Variants in C14orf93 observed in about 807,000 individuals in gnomAD.
The protein encoded by C14orf93 is uncharacterized protein C14orf93.
C14orf93 carries 23 observed loss-of-function variants against 44.0 expected under a neutral mutation model. That is an observed-to-expected ratio of 0.52 (90% CI 0.38 to 0.74). C14orf93 has a LOEUF of 0.74. Among genes scored for constraint, C14orf93 ranks in the 30% least tolerant of loss-of-function variants. The probability of loss-of-function intolerance (pLI) is 0.00; values close to 1 mark genes in which losing one functional copy is unlikely to be tolerated. For missense variants in C14orf93, 579 were observed against 678.9 expected (o/e 0.85, Z 1.64); for synonymous variants, 253 against 265.7 (o/e 0.95, Z 0.46).
At position 23,009,482 on chromosome 14, in the gene C14orf93, AAC is replaced by A. The variant is rs71425061; in HGVS notation, c.-380+617_-380+618del. Among the ~76,000 whole-genome samples the A allele has an allele frequency of 3.3e-4, 50 of 151,286 alleles. No homozygotes were observed. The South Asian group carries it at 4.2e-3, about 13-fold the overall frequency. On this transcript the variant is annotated intron_variant, in intron 1 of 6. Transcript: ENST00000299088. ...ATAACTTTACAAATTTGTTTCAAGAAACACACACACACACACACAAATGTTCT... is the reference window on the plus strand; with the variant it reads ...ATAACTTTACAAATTTGTTTCAAGAAACACACACACACACACAAATGTTCT...
In C14orf93 at chr14:22,987,610, T is replaced by C. The variant is rs1165158055; in HGVS notation, c.1222A>G (p.Met408Val). The change falls in exon 7 of 7, where the codon ATG (methionine) becomes GTG (valine). Residue 408 changes from methionine to valine, a missense_variant. Coordinates refer to ENST00000299088, the MANE Select transcript of C14orf93 (RefSeq NM_021944.4). This position sits in a 1 kb window ranked among gnomAD's most constrained non-coding sequence, Gnocchi z 5.6. ...YRLFANRSSI[M>V]RHFGPEDQRL... The stretch of plus-strand genomic sequence containing the variant: ...TGGTCCTCAGGTCCAAAATGCCTCA[T>C]GATACTGGATCGGTTGGCAAAAAGC... 6.2e-7 allele frequency: 1 copy of C among 1,600,960 alleles called. No individual in the cohort carries two copies. Among genetic ancestry groups the C allele is most frequent in the Non-Finnish European group, 8.5e-7 (1 of 1,172,858 alleles).
chr14:22,996,064 A>C lies in C14orf93; in HGVS notation c.802T>G (p.Ser268Ala), dbSNP rs1159365337. 1 of 1,613,850 alleles carries C rather than the reference A, an allele frequency of 6.2e-7. No homozygotes were observed. Among genetic ancestry groups the C allele is most frequent in the Non-Finnish European group, 8.5e-7 (1 of 1,179,976 alleles). The change falls in exon 3 of 7, where the codon TCA (serine) becomes GCA (alanine). Residue 268 changes from serine (S) to alanine (A), a missense_variant. By Grantham distance (99) the Ser-to-Ala change is moderately conservative (BLOSUM62 1). Transcript: ENST00000299088. This position sits in a 1 kb window ranked among gnomAD's most constrained non-coding sequence, Gnocchi z 4.1. ...AAALDSALEE[S>A]GPGSTGELRH... is the part of the protein sequence containing the mutation. ...AGCTCCCCAGTGCTCCCAGGGCCTG[A>C]CTCTTCCAAGGCACTGTCCAGCGCA... is the stretch of plus-strand genomic sequence containing the variant.
chr14:23,008,881 AAC>A (rs1204956836), intron 1 of C14orf93, among the ~76,000 whole-genome samples: 23 of 152,238 alleles, frequency 1.5e-4, no homozygotes, highest in Admixed American at 1.5e-3. Context: ...CATCACCATG[AAC>A]AGTTTTTGAG....
Position 22,998,707 on chromosome 14 carries a change from G to A in C14orf93, c.317C>T (p.Ser106Phe). 1.2e-6 allele frequency: 2 copies of A among 1,614,234 alleles called. No homozygotes were observed. The highest frequency in any genetic ancestry group is 1.7e-6 in the Non-Finnish European group (2 of 1,180,036). Residue 106 changes from serine (S) to phenylalanine (F), a missense_variant, in exon 2 of 7, where the codon TCC (serine) becomes TTC (phenylalanine). Ser to Phe is a radical substitution (Grantham distance 155, BLOSUM62 -2). Transcript: ENST00000299088. Reference protein sequence around the residue: ...EVGDLRQGKVSIPDEDGESRA... With the variant: ...EVGDLRQGKVFIPDEDGESRA... ...GCTTTCCCCATCTTCATCAGGGATG[G>A]ACACTTTCCCTTGCCTCAGGTCACC...
chr14:22,987,663 G>C lies in C14orf93; in HGVS notation c.1198-29C>G, dbSNP rs1202984077. The C allele has an allele frequency of 6.5e-7, 1 of 1,544,036 alleles. No individual in the cohort carries two copies. The highest frequency in any genetic ancestry group is 2.0e-5 in the Admixed American group (1 of 50,290). ...AGGCAGGAACCCAGGAGATAGATTA[G>C]GAAGGTAAACATTCTATGGATTAGA... On this transcript the variant is annotated intron_variant, in intron 6 of 6. Transcript: ENST00000299088. The surrounding 1 kb of genome is among the most constrained non-coding windows in gnomAD (Gnocchi z 5.6).
In C14orf93 at chr14:22,998,278, C is replaced by A. The variant is rs1358376593; in HGVS notation, c.597+149G>T. The A allele has an allele frequency of 6.1e-6, 7 of 1,156,060 alleles. No individual in the cohort carries two copies. In the East Asian group the frequency reaches 1.9e-4, roughly 32 times the overall value. 71.6% of individuals were successfully genotyped at this position (1,156,060 alleles called of 1,614,324 possible). On this transcript the variant is annotated intron_variant, in intron 2 of 6. Coordinates refer to ENST00000299088, the MANE Select transcript of C14orf93 (RefSeq NM_021944.4). ...TCAGGAAGAAAATAGAGCTGACTAT[C>A]CCTGAAGGAAAAGGAAACGTGGTAC...
At chr14:23,005,796 C>T (rs1401367749) in intron 1 of C14orf93, 5 of 152,096 alleles carry the variant, frequency 3.3e-5, no homozygotes, top group Non-Finnish European at 5.9e-5. Context: ...AAAAGAAAGA[C>T]AATTCATCTC....
intron 1 of C14orf93, chr14:23,005,338 TGA>T (rs553169586): frequency 1.1e-4 from 17 of 152,064 alleles, no homozygotes; most frequent in African/African-American, 3.4e-4. Flanking sequence ...ATGAGGCAGT[TGA>T]GAGGAAATAC....
rs185008863 is a variant in C14orf93, at chr14:23,007,991, A to G, written c.-380+2110T>C. On this transcript the variant is annotated intron_variant, in intron 1 of 6. Coordinates refer to ENST00000299088, the MANE Select transcript of C14orf93 (RefSeq NM_021944.4). The stretch of plus-strand genomic sequence containing the variant: ...AACATGGTGAAACCCCGTCTCTACT[A>G]AAAATACAAAAATCAGCCCGGCATG... 3.3e-5 allele frequency among the ~76,000 whole-genome samples: 5 copies of G among 152,172 alleles called. No homozygotes were observed. In the East Asian group the frequency reaches 9.7e-4, roughly 29 times the overall value.
At position 22,999,310 on chromosome 14, in the gene C14orf93, C is replaced by G. The variant is rs114069049; in HGVS notation, c.-287G>C. The G allele has an allele frequency of 1.4e-3, 412 of 292,702 alleles. 1 individual carries two copies. The highest frequency in any genetic ancestry group is 8.4e-3 in the African/African-American group (391 of 46,326). 18.1% of individuals were successfully genotyped at this position (292,702 alleles called of 1,614,324 possible). Reference sequence around the variant, plus strand: ...GGCCTTCCTGATGAACGGTTTCAGACGGTAGAGAGCATTCCTTCTGCCCCC... The same window carrying G: ...GGCCTTCCTGATGAACGGTTTCAGAGGGTAGAGAGCATTCCTTCTGCCCCC... On this transcript the variant is annotated 5_prime_UTR_variant, in exon 2 of 7. Coordinates refer to ENST00000299088, the MANE Select transcript of C14orf93 (RefSeq NM_021944.4).
At position 22,987,639 on chromosome 14, in the gene C14orf93, G is replaced by T; in HGVS notation, c.1198-5C>A. ...ACTGGATCGGTTGGCAAAAAGCTAA[G>T]GCAGGAACCCAGGAGATAGATTAGG... On this transcript the variant is annotated splice_region_variant and splice_polypyrimidine_tract_variant and intron_variant, in intron 6 of 6. Transcript: ENST00000299088. The surrounding 1 kb of genome is among the most constrained non-coding windows in gnomAD (Gnocchi z 5.6). 1 of 1,575,676 alleles carries T rather than the reference G, an allele frequency of 6.3e-7. No homozygotes were observed. Among genetic ancestry groups the T allele is most frequent in the South Asian group, 1.2e-5 (1 of 85,142 alleles).
At chr14:22,988,205 C>T (rs1212960359) in intron 5 of C14orf93, among the ~76,000 whole-genome samples, 190 bp from the exon 6 acceptor site, 2 of 151,314 alleles carry the variant, frequency 1.3e-5, no homozygotes, top group Non-Finnish European at 2.9e-5. Flanking sequence ...ACAATCTCGG[C>T]TTACCACAAC....
chr14:23,009,949 A>G (rs945992470), intron 1 of C14orf93, 152 bp downstream of exon 1: 6 of 152,240 alleles, frequency 3.9e-5, no homozygotes, highest in African/African-American at 1.2e-4. Flanking sequence ...CAGGAAAAAG[A>G]AAGAGGAAGA....
chr14:23,004,690 G>A (rs1258551409), intron 1 of C14orf93, among the ~76,000 whole-genome samples: 5 of 151,934 alleles, frequency 3.3e-5, no homozygotes, highest in African/African-American at 2.4e-5. Context: ...AGGCTGAGGC[G>A]GGTAGATCAC....
intron 4 of C14orf93, 56 bp downstream of exon 4, chr14:22,990,010 A>G (rs1314454530): frequency 1.3e-6 from 2 of 1,520,444 alleles, no homozygotes; most frequent in Non-Finnish European, 1.8e-6. Flanking sequence ...ATCCCCCTCT[A>G]CTTCCCTGTC....
At chr14:23,001,139 A>G (rs2046270862) in intron 1 of C14orf93, 1 of 152,186 alleles carries the variant, frequency 6.6e-6, no homozygotes, top group East Asian at 1.9e-4. Flanking sequence ...TCCTTCCTAA[A>G]TAAGGGCCTA....
At chr14:22,988,665 G>A (rs1237675030) in intron 5 of C14orf93, among the ~76,000 whole-genome samples, 1 of 151,912 alleles carries the variant, frequency 6.6e-6, no homozygotes, top group Non-Finnish European at 1.5e-5. Flanking sequence ...CACCATGGCC[G>A]GCTAATTGGT....
chr14:22,992,741 T>C (rs1368950945), intron 3 of C14orf93, among the ~76,000 whole-genome samples: 2 of 151,554 alleles, frequency 1.3e-5, no homozygotes, highest in Non-Finnish European at 2.9e-5. Flanking sequence ...TGCACCACCA[T>C]TCCCAGCTAA....
At chr14:22,989,896 GACAA>G (rs572215013) in intron 4 of C14orf93, 51 bp from the exon 5 acceptor site, 2 of 1,520,846 alleles carry the variant, frequency 1.3e-6, no homozygotes, top group Non-Finnish European at 1.8e-6. Flanking sequence ...GTAAGAGCCA[GACAA>G]ACAGAGATAC....
Sources: allele counts gnomAD v4.1 joint callset (sites outside exome capture counted in the v4.1 genomes callset), GRCh38; gene constraint gnomAD v4.1.1; non-coding constraint Gnocchi (gnomAD v3.1); transcripts MANE v1.5; gene names NCBI Gene and HGNC (gene_info 2026-07-23, HGNC 2026-07-21).